The following ST3GAL2 variants were observed in gnomAD, a reference collection of about 807,000 sequenced individuals.
ST3GAL2 encodes CMP-N-acetylneuraminate-beta-galactosamide-alpha-2,3-sialyltransferase 2.
ST3GAL2 carries 16 observed loss-of-function variants against 37.5 expected under a neutral mutation model. That is an observed-to-expected ratio of 0.43 (90% confidence interval 0.29 to 0.65). The LOEUF (loss-of-function observed/expected upper bound fraction) is 0.65, where lower values mean the gene tolerates loss of function less well. Among genes scored for constraint, ST3GAL2 ranks in the 30% least tolerant of loss-of-function variants. The pLI is 0.17. For synonymous variants in ST3GAL2, 238 were observed against 202.9 expected (o/e 1.17, Z -1.47); for missense variants, 383 against 487.8 (o/e 0.79, Z 2.02).
chr16:70,438,462 G>C (rs1046722193), intron 1 of ST3GAL2, among the ~76,000 whole-genome samples: 3 of 152,176 alleles, frequency 2.0e-5, no homozygotes, highest in Admixed American at 6.6e-5. Context: ...GGATGGTTAG[G>C]GGGCAGTGCC....
At chr16:70,431,256 T>G (rs986695310) in intron 1 of ST3GAL2, among the ~76,000 whole-genome samples, 10 of 152,202 alleles carry the variant, frequency 6.6e-5, no homozygotes, top group Non-Finnish European at 8.8e-5. Flanking sequence ...CACACCAAAG[T>G]AGTTCCCTGT....
chr16:70,378,168 A>G lies in ST3GAL2; in HGVS notation c.*3521T>C, dbSNP rs1287820267. 6.6e-6 allele frequency: 1 copy of G among 152,060 alleles called. No homozygotes were observed. The highest frequency in any genetic ancestry group is 2.4e-5 in the African/African-American group (1 of 41,416). The allele number at this position is 152,060 out of a possible 1,614,324, so 9.4% of individuals were successfully genotyped here. ...TATTATGGGCTGGGTGTGGTCAAAC[A>G]TTGGGAGGCCAAAGGGGGTGGATGA... On this transcript the variant is annotated 3_prime_UTR_variant, in exon 7 of 7. Coordinates refer to ENST00000342907, the MANE Select transcript of ST3GAL2 (RefSeq NM_006927.4).
At position 70,398,497 on chromosome 16, in the gene ST3GAL2, C is replaced by A; in HGVS notation, c.34G>T (p.Val12Leu). ...ATGATGAACACCAGCAGGAAGGCCA[C>A]GGAGAGGAACCACACCCGCAGGGAG... The part of the protein sequence containing the change: ...KCSLRVWFLS[V>L]AFLLVFIMSL... Residue 12 changes from valine (V) to leucine (L), a missense_variant, in exon 2 of 7, where the codon GTG becomes TTG. This residue lies in a region of ST3GAL2 where 223 missense variants were observed against 239.1 expected (regional missense o/e 0.93). Transcript: ENST00000342907. The A allele has an allele frequency of 1.2e-6, 2 of 1,611,872 alleles. No homozygotes were observed. Among genetic ancestry groups the A allele is most frequent in the Non-Finnish European group, 1.7e-6 (2 of 1,179,484 alleles).
chr16:70,387,270 G>A (rs1482735959), intron 4 of ST3GAL2, among the ~76,000 whole-genome samples: 1 of 150,890 alleles, frequency 6.6e-6, no homozygotes, highest in African/African-American at 2.4e-5. Context: ...GAAATTAATT[G>A]TGGGCCGGAT....
intron 1 of ST3GAL2, among the ~76,000 whole-genome samples, chr16:70,403,619 C>A (rs891817146): frequency 6.6e-6 from 1 of 152,204 alleles, no homozygotes; most frequent in Admixed American, 6.5e-5. Flanking sequence ...TGAGACCTTC[C>A]TGGCCAACAT....
intron 1 of ST3GAL2, among the ~76,000 whole-genome samples, chr16:70,425,323 G>A (rs1297699272): frequency 6.6e-6 from 1 of 152,160 alleles, no homozygotes; most frequent in Non-Finnish European, 1.5e-5. Flanking sequence ...TTAGCTGGGC[G>A]TGGTGATGTG....
rs556994350 is a variant in ST3GAL2, at chr16:70,379,755, G to C, written c.*1934C>G. ...TCCTGCCTCAGCCTTCCAAGTAGCT[G>C]GGATTACAGGTGCGCACCACTGCGC... On this transcript the variant is annotated 3_prime_UTR_variant, in exon 7 of 7. Coordinates refer to ENST00000342907, the MANE Select transcript of ST3GAL2 (RefSeq NM_006927.4). 1 of 151,960 alleles carries C rather than the reference G, an allele frequency of 6.6e-6. No individual in the cohort carries two copies. The highest frequency in any genetic ancestry group is 1.5e-5 in the Non-Finnish European group (1 of 68,038). 9.4% of individuals were successfully genotyped at this position (151,960 alleles called of 1,614,324 possible).
chr16:70,408,890 C>CAAAACAAAAAAAAA (rs2047613111), intron 1 of ST3GAL2, among the ~76,000 whole-genome samples: 2 of 59,854 alleles, frequency 3.3e-5, no homozygotes, highest in Non-Finnish European at 3.5e-5. Flanking sequence ...CTCAAAGAAA[C>CAAAACAAAAAAAAA]AAAAAAAAAA....
chr16:70,409,961 CT>C (rs1461940825), intron 1 of ST3GAL2, among the ~76,000 whole-genome samples: 1 of 151,120 alleles, frequency 6.6e-6, no homozygotes, highest in Non-Finnish European at 1.5e-5. Flanking sequence ...GAGATGATGT[CT>C]TGCTATGTTG....
At chr16:70,384,069 T>C (rs939598837) in intron 4 of ST3GAL2, among the ~76,000 whole-genome samples, 3 of 152,072 alleles carry the variant, frequency 2.0e-5, no homozygotes, top group Non-Finnish European at 2.9e-5. Context: ...TGAGTGTCTA[T>C]GGTACTTCAA....
At chr16:70,426,604 C>T (rs1234327341) in intron 1 of ST3GAL2, among the ~76,000 whole-genome samples, 4 of 151,732 alleles carry the variant, frequency 2.6e-5, no homozygotes, top group African/African-American at 7.3e-5. Context: ...CTCTGCCTCC[C>T]GGGTTCAAGC....
At chr16:70,406,814 G>A (rs868042518) in intron 1 of ST3GAL2, among the ~76,000 whole-genome samples, 4 of 152,182 alleles carry the variant, frequency 2.6e-5, no homozygotes, top group East Asian at 1.9e-4. Flanking sequence ...TAAGAGAGTG[G>A]AATGTGGAAT....
chr16:70,417,730 AGGAAGTG>A, intron 1 of ST3GAL2, among the ~76,000 whole-genome samples: 1 of 151,446 alleles, frequency 6.6e-6, no homozygotes, highest in Middle Eastern at 3.4e-3. Flanking sequence ...AGACTTCTGG[AGGAAGTG>A]GGAAGTGGGA....
At chr16:70,405,120 T>G (rs1412355981) in intron 1 of ST3GAL2, among the ~76,000 whole-genome samples, 1 of 151,598 alleles carries the variant, frequency 6.6e-6, no homozygotes, top group African/African-American at 2.4e-5. Context: ...CAAAGTTCCA[T>G]CAACCAATAC....
At chr16:70,402,776 AG>A (rs1158795281) in intron 1 of ST3GAL2, among the ~76,000 whole-genome samples, 9 of 152,132 alleles carry the variant, frequency 5.9e-5, no homozygotes, top group Admixed American at 1.3e-4. Flanking sequence ...CAGCCTCCTG[AG>A]TAGCTGGGAT....
chr16:70,430,795 G>T (rs2047784548), intron 1 of ST3GAL2, among the ~76,000 whole-genome samples: 1 of 152,118 alleles, frequency 6.6e-6, no homozygotes, highest in Admixed American at 6.5e-5. Flanking sequence ...GAACCGAGGA[G>T]GCCGGGGTTC....
intron 1 of ST3GAL2, among the ~76,000 whole-genome samples, chr16:70,405,476 G>A (rs994018117): frequency 1.3e-5 from 2 of 150,172 alleles, no homozygotes; most frequent in African/African-American, 4.9e-5. Context: ...GGGAGGCGGA[G>A]CTTGCAGTGA....
intron 1 of ST3GAL2, among the ~76,000 whole-genome samples, chr16:70,403,463 C>T (rs1342616108): frequency 9.2e-5 from 14 of 152,020 alleles, no homozygotes; most frequent in Non-Finnish European, 1.5e-5. Context: ...GGGAGGATCA[C>T]TTGAGGTCAG....
intron 1 of ST3GAL2, among the ~76,000 whole-genome samples, chr16:70,424,435 C>G (rs1259139866): frequency 6.6e-6 from 1 of 151,320 alleles, no homozygotes; most frequent in African/African-American, 2.4e-5. Context: ...AACCCCGTCT[C>G]TACTAAAAAT....
Sources: allele counts gnomAD v4.1 joint callset (sites outside exome capture counted in the v4.1 genomes callset), GRCh38; gene constraint gnomAD v4.1.1; regional missense constraint gnomAD v4.1.1; transcripts MANE v1.5; gene names NCBI Gene and HGNC (gene_info 2026-07-23, HGNC 2026-07-21).